PUDP: variants seen among roughly 807,000 people sequenced by gnomAD.
PUDP encodes the protein pseudouridine 5'-phosphatase.
PUDP carries 8 observed loss-of-function variants against 9.4 expected under a neutral mutation model. The ratio of observed to expected loss-of-function variants is 0.85; its 90% confidence interval spans 0.50 to 1.53. The LOEUF (loss-of-function observed/expected upper bound fraction) is 1.53, where lower values mean the gene tolerates loss of function less well. Ranked by LOEUF, PUDP falls within the 40% of genes most tolerant of loss-of-function variation. PUDP has a pLI of 0.00. For synonymous variants in PUDP, 99 were observed against 80.7 expected (o/e 1.23, Z -1.22); for missense variants, 188 against 189.7 (o/e 0.99, Z 0.05).
chrX:6,939,963 A>G (rs967328010), intron 3 of PUDP, among the ~76,000 whole-genome samples: 29 of 112,998 alleles, frequency 2.6e-4, no homozygotes, highest in African/African-American at 9.3e-4. Context: ...AAAGGCTTGC[A>G]TATGATCATT....
At position 7,077,242 on chromosome X, in the gene PUDP, G is replaced by A; in HGVS notation, c.488C>T (p.Ser163Phe). The A allele has an allele frequency of 1.7e-6, 2 of 1,197,486 alleles. No homozygotes were observed. The highest frequency in any genetic ancestry group is 1.7e-5 in the African/African-American group (1 of 57,673). Reference protein sequence around the residue: ...DIFLACAKRFSPPPAMEKCLV... With the variant: ...DIFLACAKRFFPPPAMEKCLV... ...TACCTTCTCCATAGCAGGAGGGGGA[G>A]AGAACCTCTTGGCACAAGCTAGGAA... The change falls in exon 3 of 4, where the codon TCT becomes TTT. Residue 163 changes from serine (S) to phenylalanine (F), a missense_variant. Coordinates refer to ENST00000381077, the MANE Select transcript of PUDP (RefSeq NM_012080.5).
chrX:6,752,327 G>T (rs190696163), intron 3 of PUDP, among the ~76,000 whole-genome samples: 539 of 111,121 alleles, frequency 4.9e-3, no homozygotes, highest in Non-Finnish European at 7.0e-3. Flanking sequence ...CACATACCTG[G>T]CCATTGCTGT....
At chrX:6,742,782 A>T (rs1450973109) in intron 3 of PUDP, among the ~76,000 whole-genome samples, 2 of 111,680 alleles carry the variant, frequency 1.8e-5, no homozygotes, top group African/African-American at 6.6e-5. Flanking sequence ...CTCAAAACAA[A>T]CAAACAAACA....
chrX:6,863,068 T>C (rs1415699310), intron 3 of PUDP, among the ~76,000 whole-genome samples: 1 of 111,319 alleles, frequency 9.0e-6, no homozygotes, highest in Non-Finnish European at 1.9e-5. Flanking sequence ...AGAGAAGGAG[T>C]CTGCTATGTT....
intron 3 of PUDP, among the ~76,000 whole-genome samples, chrX:6,751,805 G>C (rs758304332): frequency 3.6e-4 from 40 of 111,285 alleles, no homozygotes; most frequent in African/African-American, 1.2e-3. Context: ...TTTTACAGCA[G>C]GAGGAATTTA....
chrX:7,143,301 T>C (rs149427533), intron 1 of PUDP, among the ~76,000 whole-genome samples: 4,734 of 112,010 alleles, frequency 0.042, 236 homozygotes, highest in African/African-American at 0.14. Context: ...ATGTTTGCTT[T>C]ACTGTGATGG....
intron 3 of PUDP, among the ~76,000 whole-genome samples, chrX:6,839,693 A>C (rs1379198850): frequency 8.9e-6 from 1 of 111,889 alleles, no homozygotes; most frequent in Non-Finnish European, 1.9e-5. Flanking sequence ...TAGAATGGCC[A>C]AAATCCGAAA....
chrX:7,006,217 T>C (rs1452457245), intron 1 of PUDP, among the ~76,000 whole-genome samples: 1 of 112,048 alleles, frequency 8.9e-6, no homozygotes, highest in Non-Finnish European at 1.9e-5. Context: ...GGCCAAGTCA[T>C]ACAGTACCTC....
chrX:6,942,321 A>C (rs1448766364), intron 3 of PUDP, among the ~76,000 whole-genome samples: 1 of 112,202 alleles, frequency 8.9e-6, no homozygotes, highest in Non-Finnish European at 1.9e-5. Flanking sequence ...TATATTTGAA[A>C]ACTTTAATAT....
At chrX:7,002,575 C>T (rs756976769) in intron 1 of PUDP, among the ~76,000 whole-genome samples, 136 of 111,025 alleles carry the variant, frequency 1.2e-3, no homozygotes, top group Middle Eastern at 9.2e-3. Context: ...TCAAGGAGAT[C>T]CTCACAATGC....
chrX:7,059,160 G>A (rs1930328356), intron 3 of PUDP, among the ~76,000 whole-genome samples: 1 of 111,312 alleles, frequency 9.0e-6, no homozygotes, highest in African/African-American at 3.3e-5. Flanking sequence ...GGGGTGGGCA[G>A]GAAAGCTTCC....
At chrX:7,069,874 C>G (rs1244269986) in intron 3 of PUDP, among the ~76,000 whole-genome samples, 2 of 111,998 alleles carry the variant, frequency 1.8e-5, no homozygotes, top group African/African-American at 6.5e-5. Flanking sequence ...AGTCTCCTAA[C>G]GGCCCACTTA....
intron 3 of PUDP, among the ~76,000 whole-genome samples, chrX:6,954,476 G>A (rs1474540906): frequency 1.8e-5 from 2 of 110,875 alleles, no homozygotes; most frequent in African/African-American, 6.6e-5. Context: ...CCCTCTTGTG[G>A]TCACTCTCAT....
chrX:6,929,585 G>A (rs1166093447), intron 3 of PUDP, among the ~76,000 whole-genome samples: 1 of 112,045 alleles, frequency 8.9e-6, no homozygotes, highest in Non-Finnish European at 1.9e-5. Context: ...TCAGACATAA[G>A]GAGCCAATTC....
chrX:7,031,613 A>G (rs1049796858), intron 1 of PUDP, among the ~76,000 whole-genome samples: 4 of 112,186 alleles, frequency 3.6e-5, no homozygotes, highest in African/African-American at 6.5e-5. Flanking sequence ...TATTTTAAAA[A>G]ACAAACAAAC....
intron 3 of PUDP, among the ~76,000 whole-genome samples, chrX:6,884,083 G>A (rs1315766473): frequency 4.5e-5 from 5 of 111,188 alleles, no homozygotes; most frequent in East Asian, 2.8e-4. Flanking sequence ...GTCGTGATCC[G>A]CCCGCCTCAG....
intron 3 of PUDP, among the ~76,000 whole-genome samples, chrX:6,751,353 C>G (rs926216168): frequency 2.7e-5 from 3 of 111,242 alleles, no homozygotes; most frequent in African/African-American, 6.5e-5. Context: ...AGGTAACTTG[C>G]TTGACAATTC....
chrX:6,732,310 G>A (rs73188681), intron 3 of PUDP, among the ~76,000 whole-genome samples: 11,059 of 109,733 alleles, frequency 0.1, 581 homozygotes, highest in Non-Finnish European at 0.15. Context: ...CACTGAGGAG[G>A]CCTCATTTGT....
At chrX:6,856,104 T>C (rs1569111731) in intron 3 of PUDP, among the ~76,000 whole-genome samples, 1 of 111,361 alleles carries the variant, frequency 9.0e-6, no homozygotes, top group Non-Finnish European at 1.9e-5. Context: ...GTCTACTTTC[T>C]AATATTGCTC....
Sources: gnomAD v4.1 joint callset for allele counts (sites outside exome capture counted in the v4.1 genomes callset) on GRCh38, gnomAD v4.1.1 for gene constraint, MANE v1.5 for transcripts, NCBI Gene and HGNC (gene_info 2026-07-23, HGNC 2026-07-21) for gene names.